The following KIAA1328 variants were observed in gnomAD, a reference collection of about 807,000 sequenced individuals.
The protein encoded by KIAA1328 is KIAA1328.
KIAA1328 carries 52 observed loss-of-function variants against 68.1 expected under a neutral mutation model. The observed-to-expected ratio is 0.76, with a 90% CI of 0.61 to 0.96. The LOEUF is 0.96. KIAA1328 is among the 40% of genes least tolerant of loss of function. The pLI is 0.00. For missense variants in KIAA1328, 641 were observed against 677.6 expected, an observed-to-expected ratio of 0.95 and a Z score of 0.60; for synonymous variants, 232 against 239.4, an observed-to-expected ratio of 0.97 and a Z score of 0.28.
At chr18:36,894,893 A>G (rs2048819600) in intron 5 of KIAA1328, among the ~76,000 whole-genome samples, 1 of 152,120 alleles carries the variant, frequency 6.6e-6, no homozygotes, top group Non-Finnish European at 1.5e-5. Context: ...GGCCTAAAGG[A>G]CCAAATGCAT....
At chr18:36,973,321 C>G (rs8093040) in intron 6 of KIAA1328, among the ~76,000 whole-genome samples, 2 of 147,590 alleles carry the variant, frequency 1.4e-5, no homozygotes, top group African/African-American at 2.5e-5. Context: ...CCAGGCCCTG[C>G]TGGGGGGTCG....
At chr18:36,881,283 T>G (rs1309888757) in intron 4 of KIAA1328, among the ~76,000 whole-genome samples, 1 of 152,162 alleles carries the variant, frequency 6.6e-6, no homozygotes, top group Non-Finnish European at 1.5e-5. Flanking sequence ...TGTGTACTTT[T>G]ATAAGTTTTC....
intron 6 of KIAA1328, among the ~76,000 whole-genome samples, chr18:37,015,918 C>T (rs1425059005): frequency 2.0e-5 from 3 of 152,098 alleles, no homozygotes; most frequent in African/African-American, 7.2e-5. Flanking sequence ...TTTAGGGTTT[C>T]CTGGATATAG....
At chr18:37,121,244 A>G (rs1443631415) in intron 7 of KIAA1328, among the ~76,000 whole-genome samples, 1 of 152,168 alleles carries the variant, frequency 6.6e-6, no homozygotes, top group Non-Finnish European at 1.5e-5. Context: ...AACCATTTGA[A>G]AAACACGAAA....
In KIAA1328 at chr18:37,028,420, A is replaced by C. The variant is rs1231797050; in HGVS notation, c.577-38470A>C. Among the ~76,000 whole-genome samples, 3 of 151,960 alleles carry C rather than the reference A, an allele frequency of 2.0e-5. No homozygotes were observed. In the East Asian group the frequency reaches 5.8e-4, roughly 29 times the overall value. ...ACTTTGTTGAAGTTGTTTATCTAGG[A>C]GCTTTAGGGCAGAGACTAGGATTTT... On this transcript the variant is annotated intron_variant, in intron 6 of 9. Coordinates refer to ENST00000280020, the MANE Select transcript of KIAA1328 (RefSeq NM_020776.3).
intron 6 of KIAA1328, among the ~76,000 whole-genome samples, chr18:37,001,455 T>G (rs894530831): frequency 5.3e-5 from 8 of 152,094 alleles, no homozygotes; most frequent in Admixed American, 5.2e-4. Context: ...TAAGAAAAAC[T>G]AATATAAATT....
At chr18:37,200,773 T>C (rs2060095441) in intron 9 of KIAA1328, among the ~76,000 whole-genome samples, 1 of 146,266 alleles carries the variant, frequency 6.8e-6, no homozygotes, top group Admixed American at 7.0e-5. Context: ...ATTGCGCCAC[T>C]GCAGTCCGCA....
intron 9 of KIAA1328, among the ~76,000 whole-genome samples, chr18:37,208,748 A>G (rs1395306304): frequency 6.6e-6 from 1 of 152,232 alleles, no homozygotes; most frequent in African/African-American, 2.4e-5. Context: ...GGTTTCAATT[A>G]AAGCTAGGAG....
intron 5 of KIAA1328, chr18:36,946,182 G>T (rs1444891891): frequency 6.6e-6 from 1 of 152,134 alleles, no homozygotes; most frequent in African/African-American, 2.4e-5. Context: ...TCCTTTTAAA[G>T]AAGAAAGTGG....
At position 36,885,659 on chromosome 18, in the gene KIAA1328, C is replaced by G; in HGVS notation, c.435C>G (p.Ile145Met). ...TGGAAGAACAGAATGAACTGATCAT[C>G]AAAGAAAGGGAAGATATCCTTTTGA... ...RQLEEQNELI[I>M]KEREALQLQY... is the part of the protein sequence containing the mutation. Residue 145 changes from isoleucine (I) to methionine (M), a missense_variant, in exon 5 of 10, where the codon ATC becomes ATG. Transcript: ENST00000280020. The G allele has an allele frequency of 1.9e-6, 3 of 1,572,528 alleles. No individual in the cohort carries two copies. The highest frequency in any genetic ancestry group is 1.2e-5 in the South Asian group (1 of 86,084).
chr18:37,030,140 A>G (rs963084987), intron 6 of KIAA1328, among the ~76,000 whole-genome samples: 1 of 148,116 alleles, frequency 6.8e-6, no homozygotes, highest in African/African-American at 2.5e-5. Context: ...CTTTTATTAG[A>G]TTTTCTCTGT....
intron 9 of KIAA1328, among the ~76,000 whole-genome samples, chr18:37,215,361 G>GT (rs1238901601): frequency 6.6e-6 from 1 of 151,418 alleles, no homozygotes; most frequent in Admixed American, 6.6e-5. Context: ...TAGTATGAAG[G>GT]CTGTTGAATT....
intron 6 of KIAA1328, among the ~76,000 whole-genome samples, chr18:37,048,619 A>G (rs2055570796): frequency 6.6e-6 from 1 of 152,138 alleles, no homozygotes; most frequent in Admixed American, 6.5e-5. Flanking sequence ...TTAAATTCTC[A>G]TTTCAAAAGC....
intron 8 of KIAA1328, among the ~76,000 whole-genome samples, chr18:37,165,737 G>A (rs1282759222): frequency 4.0e-5 from 6 of 151,634 alleles, no homozygotes; most frequent in Non-Finnish European, 7.4e-5. Context: ...GACTACAGGC[G>A]CTCACCACCA....
intron 6 of KIAA1328, among the ~76,000 whole-genome samples, chr18:36,979,165 A>G (rs979215603): frequency 2.7e-5 from 4 of 149,916 alleles, no homozygotes; most frequent in African/African-American, 9.7e-5. Context: ...CTATCTCTAA[A>G]AATAATAAAA....
At chr18:37,144,448 T>G (rs1479841892) in intron 7 of KIAA1328, among the ~76,000 whole-genome samples, 1 of 152,086 alleles carries the variant, frequency 6.6e-6, no homozygotes, top group Non-Finnish European at 1.5e-5. Flanking sequence ...TTGCTCTTCC[T>G]TTTCTTGCTT....
chr18:37,162,142 A>G (rs969487140), intron 8 of KIAA1328, among the ~76,000 whole-genome samples: 5 of 152,188 alleles, frequency 3.3e-5, no homozygotes. Context: ...TTGCTATACC[A>G]ATCAATTTAA....
intron 9 of KIAA1328, among the ~76,000 whole-genome samples, chr18:37,193,856 C>G (rs999639848): frequency 2.6e-5 from 4 of 152,116 alleles, no homozygotes; most frequent in Non-Finnish European, 4.4e-5. Context: ...ACCCTTCTAC[C>G]CTTCTTGGAT....
chr18:37,134,768 G>C (rs905647868), intron 7 of KIAA1328, among the ~76,000 whole-genome samples: 1 of 152,124 alleles, frequency 6.6e-6, no homozygotes, highest in Admixed American at 6.5e-5. Context: ...GGTATATCTT[G>C]TGATGCTGAG....
Sources: gnomAD v4.1 joint callset for allele counts (sites outside exome capture counted in the v4.1 genomes callset) on GRCh38, gnomAD v4.1.1 for gene constraint, MANE v1.5 for transcripts, NCBI Gene and HGNC (gene_info 2026-07-23, HGNC 2026-07-21) for gene names.